DIAPH2: variants seen among roughly 807,000 people sequenced by gnomAD.
The protein encoded by DIAPH2 is diaphanous related formin 2.
A neutral mutation model predicts 92.7 loss-of-function variants in DIAPH2; 35 were observed. That is an observed-to-expected ratio of 0.38 (90% confidence interval 0.29 to 0.50). DIAPH2 has a LOEUF of 0.50. Among genes scored for constraint, DIAPH2 ranks in the 20% least tolerant of loss-of-function variants. The pLI is 0.94. For missense variants in DIAPH2, 701 were observed against 819.5 expected, an observed-to-expected ratio of 0.86 and a Z score of 1.77; for synonymous variants, 301 against 280.4, an observed-to-expected ratio of 1.07 and a Z score of -0.73.
intron 4 of DIAPH2, among the ~76,000 whole-genome samples, chrX:96,761,802 T>A (rs771355735): frequency 9.0e-6 from 1 of 110,842 alleles, no homozygotes; most frequent in Non-Finnish European, 1.9e-5. Flanking sequence ...GTCTTTTCGG[T>A]GGGAGGAAAT....
intron 26 of DIAPH2, among the ~76,000 whole-genome samples, chrX:97,544,652 T>C (rs1238627300): frequency 1.8e-5 from 2 of 111,830 alleles, no homozygotes; most frequent in Non-Finnish European, 3.8e-5. Context: ...TCCTATAACA[T>C]GTACCACAAG....
At chrX:97,258,350 G>A (rs1466300009) in intron 23 of DIAPH2, among the ~76,000 whole-genome samples, 1 of 111,987 alleles carries the variant, frequency 8.9e-6, no homozygotes, top group Non-Finnish European at 1.9e-5. Context: ...AAGGTGGGTG[G>A]ATCACCTGAG....
At chrX:97,054,081 A>G in intron 17 of DIAPH2, among the ~76,000 whole-genome samples, 1 of 112,059 alleles carries the variant, frequency 8.9e-6, no homozygotes, top group East Asian at 2.8e-4. Flanking sequence ...GAAATTGAAA[A>G]CATAATCATA....
At chrX:97,277,294 C>T (rs368437239) in intron 23 of DIAPH2, among the ~76,000 whole-genome samples, 49 of 111,019 alleles carry the variant, frequency 4.4e-4, no homozygotes, top group Non-Finnish European at 5.7e-4. Flanking sequence ...GCAGAGATTG[C>T]GCCACTACAC....
intron 17 of DIAPH2, among the ~76,000 whole-genome samples, chrX:97,026,834 C>T: frequency 8.9e-6 from 1 of 112,210 alleles, no homozygotes; most frequent in South Asian, 3.7e-4. Context: ...TTTGCCTTTG[C>T]ATGTCTTGTG....
intron 24 of DIAPH2, among the ~76,000 whole-genome samples, chrX:97,350,452 C>A (rs1230803809): frequency 9.0e-6 from 1 of 111,367 alleles, no homozygotes; most frequent in Non-Finnish European, 1.9e-5. Context: ...CTTGCCCCCC[C>A]ATGTTGCAGC....
At chrX:97,344,707 G>A (rs1225245884) in intron 23 of DIAPH2, among the ~76,000 whole-genome samples, 1 of 112,028 alleles carries the variant, frequency 8.9e-6, no homozygotes, top group African/African-American at 3.2e-5. Context: ...ACTTGGGTAC[G>A]AGACAATTTC....
At chrX:96,735,138 T>G (rs917448540) in intron 1 of DIAPH2, among the ~76,000 whole-genome samples, 1 of 111,926 alleles carries the variant, frequency 8.9e-6, no homozygotes, top group African/African-American at 3.2e-5. Context: ...CTTAAATTCT[T>G]CAAATAATGT....
At chrX:96,740,515 G>T (rs774168867) in intron 3 of DIAPH2, among the ~76,000 whole-genome samples, 7 of 112,326 alleles carry the variant, frequency 6.2e-5, no homozygotes, top group Non-Finnish European at 1.3e-4. Flanking sequence ...GAGTTCATCA[G>T]TGGCATTGCT....
intron 26 of DIAPH2, among the ~76,000 whole-genome samples, chrX:97,561,398 G>T (rs762150704): frequency 8.9e-6 from 1 of 112,334 alleles, no homozygotes; most frequent in South Asian, 3.7e-4. Context: ...ACAGGTGACT[G>T]CTGCCTGTGA....
At chrX:96,964,622 C>T (rs769576444) in intron 16 of DIAPH2, among the ~76,000 whole-genome samples, 2 of 111,293 alleles carry the variant, frequency 1.8e-5, no homozygotes, top group African/African-American at 3.3e-5. Context: ...AAAATTATTA[C>T]GAGGATTAAA....
chrX:97,278,742 A>G (rs1352940272), intron 23 of DIAPH2, among the ~76,000 whole-genome samples: 1 of 112,258 alleles, frequency 8.9e-6, no homozygotes, highest in African/African-American at 3.2e-5. Context: ...ACATGTTTCT[A>G]TTTGGCTTTG....
intron 23 of DIAPH2, among the ~76,000 whole-genome samples, chrX:97,253,288 T>TAAAA (rs1322235446): frequency 1.0e-5 from 1 of 96,405 alleles, no homozygotes; most frequent in African/African-American, 3.7e-5. Flanking sequence ...TAGGACTCCG[T>TAAAA]AAAAAAAAAT....
chrX:97,262,749 G>A (rs956706548), intron 23 of DIAPH2, among the ~76,000 whole-genome samples: 1 of 111,685 alleles, frequency 9.0e-6, no homozygotes, highest in African/African-American at 3.3e-5. Flanking sequence ...AGGAGCCATC[G>A]CCATGGAAAT....
intron 26 of DIAPH2, among the ~76,000 whole-genome samples, chrX:97,500,791 T>TAC (rs1407522192): frequency 1.0e-5 from 1 of 95,535 alleles, no homozygotes; most frequent in East Asian, 3.4e-4. Flanking sequence ...TATATATATA[T>TAC]ATATATATAT....
intron 5 of DIAPH2, among the ~76,000 whole-genome samples, chrX:96,886,390 C>CA (rs1220868995): frequency 1.3e-4 from 14 of 105,354 alleles, no homozygotes; most frequent in South Asian, 8.0e-4. Flanking sequence ...AAAACTGCAA[C>CA]AAAAAAAAAA....
chrX:96,707,138 T>TTTGA (rs2063890005), intron 1 of DIAPH2, among the ~76,000 whole-genome samples: 1 of 108,668 alleles, frequency 9.2e-6, no homozygotes, highest in Non-Finnish European at 1.9e-5. Flanking sequence ...GTCTCTACTT[T>TTTGA]TTGATTGATT....
intron 23 of DIAPH2, among the ~76,000 whole-genome samples, chrX:97,280,663 T>C (rs1234560344): frequency 1.8e-5 from 2 of 111,316 alleles, no homozygotes; most frequent in African/African-American, 3.3e-5. Flanking sequence ...CACTAGATAT[T>C]ACACTGTTTC....
intron 22 of DIAPH2, among the ~76,000 whole-genome samples, chrX:97,188,308 T>C (rs2067624393): frequency 9.0e-6 from 1 of 111,295 alleles, no homozygotes; most frequent in African/African-American, 3.3e-5. Context: ...AATAAGCTGC[T>C]ATCAGGCCTT....
Sources: gnomAD v4.1 joint callset for allele counts (sites outside exome capture counted in the v4.1 genomes callset) on GRCh38, gnomAD v4.1.1 for gene constraint, MANE v1.5 for transcripts, NCBI Gene and HGNC (gene_info 2026-07-23, HGNC 2026-07-21) for gene names.